MCTP1: variants seen among roughly 807,000 people sequenced by gnomAD.
MCTP1 encodes the protein multiple C2 and transmembrane domain-containing protein 1.
In MCTP1, 69 loss-of-function variants were observed where a neutral mutation model predicts 120.6. The observed-to-expected ratio is 0.57, with a 90% CI of 0.47 to 0.70. The LOEUF is 0.70. Among genes scored for constraint, MCTP1 ranks in the 30% least tolerant of loss-of-function variants. The pLI is 0.00. For synonymous variants in MCTP1, 529 were observed against 493.1 expected (o/e 1.07, Z -0.96); for missense variants, 1,203 against 1,248.8 (o/e 0.96, Z 0.55).
At chr5:95,099,296 T>C (rs1406313425) in intron 1 of MCTP1, among the ~76,000 whole-genome samples, 3 of 151,896 alleles carry the variant, frequency 2.0e-5, no homozygotes, top group Non-Finnish European at 2.9e-5. Context: ...CTAAAGAGCT[T>C]CTGCACAGCA....
chr5:94,840,264 CCTT>C (rs1444079657), intron 17 of MCTP1, among the ~76,000 whole-genome samples: 3 of 152,142 alleles, frequency 2.0e-5, no homozygotes, highest in East Asian at 1.9e-4. Flanking sequence ...AAAGAGAAGA[CCTT>C]CTTTAGGAAT....
chr5:95,250,532 A>G (rs1216130877), intron 1 of MCTP1, among the ~76,000 whole-genome samples: 1 of 152,186 alleles, frequency 6.6e-6, no homozygotes, highest in Non-Finnish European at 1.5e-5. Flanking sequence ...ATGCAAAGAA[A>G]ATAAGATTTA....
In MCTP1 at chr5:94,939,578, A is replaced by C. The variant is rs115803394; in HGVS notation, c.1173+506T>G. Among the ~76,000 whole-genome samples, 237 of 152,118 alleles carry C rather than the reference A, an allele frequency of 1.6e-3. 1 individual carries two copies. Among genetic ancestry groups the C allele is most frequent in the African/African-American group, 5.3e-3 (219 of 41,534 alleles). On this transcript the variant is annotated intron_variant, in intron 5 of 22. Transcript: ENST00000515393. ...AAGGACGTACAGACAGCTAGTGCTGAAAAATGGGTAATATCAACATGAAAG... is the reference window on the plus strand; with the variant it reads ...AAGGACGTACAGACAGCTAGTGCTGCAAAATGGGTAATATCAACATGAAAG...
At chr5:95,214,849 A>G (rs996883429) in intron 1 of MCTP1, among the ~76,000 whole-genome samples, 1 of 122,404 alleles carries the variant, frequency 8.2e-6, no homozygotes, top group African/African-American at 3.2e-5. Context: ...GGAGCATCAC[A>G]CACCGGGGAC....
chr5:95,230,644 C>A (rs769811572), intron 1 of MCTP1, among the ~76,000 whole-genome samples: 19 of 152,138 alleles, frequency 1.2e-4, no homozygotes, highest in South Asian at 4.1e-4. Context: ...TGCAGTCAGA[C>A]CTTGGCAATG....
chr5:95,235,789 T>C (rs1165582350), intron 1 of MCTP1, among the ~76,000 whole-genome samples: 1 of 152,150 alleles, frequency 6.6e-6, no homozygotes, highest in East Asian at 1.9e-4. Context: ...AATCTGATGA[T>C]TCTACAAAAA....
intron 12 of MCTP1, among the ~76,000 whole-genome samples, chr5:94,874,132 G>T (rs919370414): frequency 6.6e-6 from 1 of 151,988 alleles, no homozygotes; most frequent in Non-Finnish European, 1.5e-5. Context: ...TCAATATTTA[G>T]ACAAAGCTGT....
intron 1 of MCTP1, among the ~76,000 whole-genome samples, chr5:95,063,347 A>G (rs1749757940): frequency 6.6e-6 from 1 of 152,114 alleles, no homozygotes; most frequent in Admixed American, 6.5e-5. Flanking sequence ...TCATTGTACT[A>G]TGTCTCTCTC....
chr5:94,783,698 G>T (rs1777047875), intron 18 of MCTP1, among the ~76,000 whole-genome samples: 1 of 151,932 alleles, frequency 6.6e-6, no homozygotes, highest in South Asian at 2.1e-4. Flanking sequence ...CCAATTTAAG[G>T]TATATGTTTA....
chr5:94,992,226 T>C (rs1156354620), intron 2 of MCTP1, among the ~76,000 whole-genome samples: 1 of 152,356 alleles, frequency 6.6e-6, no homozygotes, highest in African/African-American at 2.4e-5. Flanking sequence ...AGTTCTCATT[T>C]GGGAATATTC....
At chr5:94,866,748 T>G (rs1281568201) in intron 17 of MCTP1, among the ~76,000 whole-genome samples, 1 of 149,034 alleles carries the variant, frequency 6.7e-6, no homozygotes, top group East Asian at 2.0e-4. Context: ...GTGCCTGAGT[T>G]TTTTTTTTTT....
intron 1 of MCTP1, among the ~76,000 whole-genome samples, chr5:95,051,304 T>C (rs1034759527): frequency 7.9e-5 from 12 of 152,252 alleles, no homozygotes; most frequent in African/African-American, 2.6e-4. Flanking sequence ...GGCCCGAAGC[T>C]CTGCACCTAC....
chr5:94,777,927 C>CGTGTGTGTGTGT (rs71615135), intron 19 of MCTP1, among the ~76,000 whole-genome samples: 2,522 of 148,942 alleles, frequency 0.017, 66 homozygotes, highest in African/African-American at 0.055. Flanking sequence ...AGAAAGTGTG[C>CGTGTGTGTGTGT]GTGTGTGTGT....
At chr5:94,940,571 T>TAC (rs1817375382) in intron 4 of MCTP1, among the ~76,000 whole-genome samples, 2 of 140,770 alleles carry the variant, frequency 1.4e-5, no homozygotes, top group African/African-American at 5.2e-5. Context: ...CAAATATATA[T>TAC]ATATACATAT....
chr5:94,716,754 G>GTTT (rs35567543), intron 19 of MCTP1, among the ~76,000 whole-genome samples: 1 of 145,334 alleles, frequency 6.9e-6, no homozygotes. Context: ...TATATAAAAA[G>GTTT]TTTTTTTTTT....
intron 2 of MCTP1, among the ~76,000 whole-genome samples, chr5:95,010,173 T>G (rs1456232466): frequency 6.6e-6 from 1 of 152,158 alleles, no homozygotes; most frequent in Non-Finnish European, 1.5e-5. Flanking sequence ...TTCATCTTTT[T>G]CCAACCACCA....
intron 19 of MCTP1, among the ~76,000 whole-genome samples, chr5:94,741,143 T>C (rs1210380039): frequency 6.6e-6 from 1 of 152,204 alleles, no homozygotes; most frequent in East Asian, 1.9e-4. Context: ...CTGTGTGTAA[T>C]GTGAGAGGAC....
intron 2 of MCTP1, among the ~76,000 whole-genome samples, chr5:94,961,777 G>A (rs1374183344): frequency 6.6e-6 from 1 of 152,110 alleles, no homozygotes; most frequent in African/African-American, 2.4e-5. Context: ...GATAAAGTTT[G>A]ACCACATTCT....
chr5:95,176,903 C>T (rs1001131386), intron 1 of MCTP1, among the ~76,000 whole-genome samples: 1 of 151,362 alleles, frequency 6.6e-6, no homozygotes, highest in African/African-American at 2.4e-5. Flanking sequence ...CTTGCTCTGT[C>T]GCCCAGGCTA....
Sources: gnomAD v4.1 joint callset for allele counts (sites outside exome capture counted in the v4.1 genomes callset) on GRCh38, gnomAD v4.1.1 for gene constraint, MANE v1.5 for transcripts, NCBI Gene and HGNC (gene_info 2026-07-23, HGNC 2026-07-21) for gene names.